MORC4: variants seen among roughly 807,000 people sequenced by gnomAD.
The protein encoded by MORC4 is MORC family CW-type zinc finger protein 4.
A neutral mutation model predicts 65.5 loss-of-function variants in MORC4; 22 were observed. The observed-to-expected ratio is 0.34, with a 90% confidence interval of 0.24 to 0.48. The LOEUF is 0.48. MORC4 is among the 20% of genes least tolerant of loss of function. The pLI, the probability that MORC4 is intolerant of heterozygous loss-of-function variation, is 0.99. For missense variants in MORC4, 624 were observed against 703.0 expected, an observed-to-expected ratio of 0.89 and a Z score of 1.27; for synonymous variants, 267 against 255.8, an observed-to-expected ratio of 1.04 and a Z score of -0.42.
intron 2 of MORC4, among the ~76,000 whole-genome samples, chrX:106,997,342 A>C (rs776646142): frequency 9.0e-6 from 1 of 111,001 alleles, no homozygotes; most frequent in Non-Finnish European, 1.9e-5. Flanking sequence ...ATAAATCCGT[A>C]TCTCTCTCCT....
intron 14 of MORC4, among the ~76,000 whole-genome samples, chrX:106,947,552 G>A (rs1213149552): frequency 1.4e-5 from 1 of 72,243 alleles, no homozygotes; most frequent in African/African-American, 5.6e-5. Flanking sequence ...TATACCTGTA[G>A]TTAATCTATA....
At chrX:106,955,220 A>C (rs775059065) in intron 13 of MORC4, 132 bp from the exon 14 acceptor site, 12 of 487,314 alleles carry the variant, frequency 2.5e-5, no homozygotes, top group African/African-American at 2.4e-4. Context: ...CAAAACAAAC[A>C]GTGTGCAGTA....
In MORC4 at chrX:106,942,215, C is replaced by G; in HGVS notation, c.2383G>C (p.Glu795Gln). 8.3e-7 allele frequency: 1 copy of G among 1,202,041 alleles called. No individual in the cohort carries two copies. The highest frequency in any genetic ancestry group is 1.1e-6 in the Non-Finnish European group (1 of 890,204). Residue 795 changes from glutamate to glutamine, a missense_variant, in exon 16 of 17, where the codon GAG (glutamate) becomes CAG (glutamine). Glu to Gln is a conservative substitution (Grantham distance 29). Coordinates refer to ENST00000355610, the MANE Select transcript of MORC4 (RefSeq NM_024657.5). ...CAGTGATTCCTCTCCTGTTCCAGCT[C>G]CTCCACCTGCAGTCCAAGAAACAGA... ...ERNLFQQKVE[E>Q]LEQERNHWQS... is the part of the protein sequence containing the mutation.
At chrX:106,977,422 GT>G (rs1244679772) in intron 8 of MORC4, among the ~76,000 whole-genome samples, 1 of 111,380 alleles carries the variant, frequency 9.0e-6, no homozygotes, top group East Asian at 2.8e-4. Context: ...AATCTTATCT[GT>G]AAAATAGGAA....
At chrX:106,997,848 C>A (rs1935107031) in intron 2 of MORC4, among the ~76,000 whole-genome samples, 1 of 111,891 alleles carries the variant, frequency 8.9e-6, no homozygotes, top group African/African-American at 3.2e-5. Context: ...TTAAATGTCA[C>A]CTCCTCCACA....
chrX:106,961,714 A>C (rs902344556), intron 10 of MORC4, among the ~76,000 whole-genome samples: 2 of 111,919 alleles, frequency 1.8e-5, no homozygotes, highest in Middle Eastern at 4.6e-3. Context: ...GGGAACAATA[A>C]GGGAATAAAA....
chrX:106,947,573 AT>A (rs1933869615), intron 14 of MORC4, among the ~76,000 whole-genome samples: 1 of 72,564 alleles, frequency 1.4e-5, no homozygotes, highest in Non-Finnish European at 2.3e-5. Flanking sequence ...TATATATATT[AT>A]ATATATATAT....
At chrX:106,945,386 C>T (rs1197559466) in intron 14 of MORC4, among the ~76,000 whole-genome samples, 1 of 104,912 alleles carries the variant, frequency 9.5e-6, no homozygotes, top group Non-Finnish European at 1.9e-5. Context: ...ACTTCAAGCA[C>T]TCTTATTAAA....
Position 106,940,816 on chromosome X carries a change from T to C in MORC4, c.*663A>G, listed in dbSNP as rs1206157757. 8.9e-6 allele frequency: 1 copy of C among 111,963 alleles called. No individual in the cohort carries two copies. Among genetic ancestry groups the C allele is most frequent in the African/African-American group, 3.3e-5 (1 of 30,757 alleles). 9.2% of individuals were successfully genotyped at this position (111,963 alleles called of 1,213,427 possible). A position where few individuals can be genotyped will look rare whatever the true frequency, so the allele number is the denominator to read the frequency against. On this transcript the variant is annotated 3_prime_UTR_variant, in exon 17 of 17. Coordinates refer to ENST00000355610, the MANE Select transcript of MORC4 (RefSeq NM_024657.5). ...TGAAAATCTGAAAAAGGCAGGAAGA[T>C]AGGAAGAAGAAAAATATCAACCATA... is the stretch of plus-strand genomic sequence containing the variant.
At chrX:106,957,259 C>G (rs1934132173) in intron 11 of MORC4, among the ~76,000 whole-genome samples, 1 of 111,449 alleles carries the variant, frequency 9.0e-6, no homozygotes, top group Non-Finnish European at 1.9e-5. Context: ...CAATAATTGG[C>G]AGCTATATTA....
In MORC4 at chrX:106,980,986, T is replaced by G; in HGVS notation, c.841A>C (p.Met281Leu). Reference protein sequence around the residue: ...FCGILYMKPRMKIFLRQKKVT... With the variant: ...FCGILYMKPRLKIFLRQKKVT... ...TTCTTTTGACGCAGAAAAATTTTCA[T>G]GCGTGGCTTCATGTATAGAATACCA... Residue 281 changes from methionine to leucine, a missense_variant, in exon 7 of 17, where the codon ATG becomes CTG. Met to Leu is a conservative substitution (Grantham distance 15). Coordinates refer to ENST00000355610, the MANE Select transcript of MORC4 (RefSeq NM_024657.5). 1 of 1,210,281 alleles carries G rather than the reference T, an allele frequency of 8.3e-7. No homozygotes were observed. Among genetic ancestry groups the G allele is most frequent in the Non-Finnish European group, 1.1e-6 (1 of 894,381 alleles).
rs1487273035 is a variant in MORC4 at position 106,976,590 on chromosome X, TC to T, written c.1150del (p.Glu384SerfsTer4). On this transcript the variant is annotated frameshift_variant, in exon 9 of 17. Coordinates refer to ENST00000355610, the MANE Select transcript of MORC4 (RefSeq NM_024657.5). LOFTEE classifies it high-confidence loss of function. ...YNKQDFEYTK[E>X]YRLTINALAQ... ...CAGGTTGGGAGTGACTCACCGGTAC[TC>T]CTTGGTATACTCAAAGTCTTGTTTG... 1 of 1,194,549 alleles carries T rather than the reference TC, an allele frequency of 8.4e-7. No individual in the cohort carries two copies. The highest frequency in any genetic ancestry group is 1.1e-6 in the Non-Finnish European group (1 of 880,577).
intron 3 of MORC4, among the ~76,000 whole-genome samples, chrX:106,988,659 A>G (rs753487729): frequency 1.8e-5 from 2 of 112,165 alleles, no homozygotes; most frequent in Non-Finnish European, 3.8e-5. Flanking sequence ...AATTGTAATA[A>G]TGAATTTGAT....
At chrX:106,961,867 A>C in intron 10 of MORC4, 145 bp downstream of exon 10, 1 of 488,535 alleles carries the variant, frequency 2.0e-6, no homozygotes, top group East Asian at 3.6e-5. Flanking sequence ...AACACTCACC[A>C]CGAAGGTCTG....
chrX:106,976,195 C>A, intron 9 of MORC4, among the ~76,000 whole-genome samples: 1 of 111,666 alleles, frequency 9.0e-6, no homozygotes, highest in Non-Finnish European at 1.9e-5. Flanking sequence ...TGCTCTAAAT[C>A]TGTTCACTGG....
chrX:106,991,113 G>A (rs191558833), intron 3 of MORC4, among the ~76,000 whole-genome samples: 448 of 111,160 alleles, frequency 4.0e-3, no homozygotes, highest in Non-Finnish European at 6.2e-3. Flanking sequence ...TGCTCCTTGG[G>A]GAGGGAATAA....
At chrX:106,987,154 T>C (rs1452496099) in intron 3 of MORC4, among the ~76,000 whole-genome samples, 1 of 111,474 alleles carries the variant, frequency 9.0e-6, no homozygotes, top group Non-Finnish European at 1.9e-5. Flanking sequence ...TAATGTTCCA[T>C]AGCAGACCAG....
intron 2 of MORC4, among the ~76,000 whole-genome samples, chrX:106,996,932 G>T (rs948998988): frequency 2.7e-5 from 3 of 112,010 alleles, no homozygotes; most frequent in Non-Finnish European, 5.6e-5. Flanking sequence ...TGGCTTTGAG[G>T]TAGTGCTTCA....
intron 13 of MORC4, 93 bp downstream of exon 13, chrX:106,956,387 A>G: frequency 1.3e-6 from 1 of 786,445 alleles, no homozygotes. Flanking sequence ...TGTTATTTCT[A>G]TGCAGCTTTC....
Sources: gnomAD v4.1 joint callset for allele counts (sites outside exome capture counted in the v4.1 genomes callset) on GRCh38, gnomAD v4.1.1 for gene constraint, MANE v1.5 for transcripts, NCBI Gene and HGNC (gene_info 2026-07-23, HGNC 2026-07-21) for gene names.